The following GSR variants were observed in gnomAD, a reference collection of about 807,000 sequenced individuals.
GSR encodes glutathione reductase, mitochondrial.
Under a neutral mutation model 56.5 loss-of-function variants are expected in GSR, and 48 were observed. That is an observed-to-expected ratio of 0.85 (90% CI 0.67 to 1.08). The LOEUF is 1.08. Ranked by LOEUF, GSR falls within the 50% of genes least tolerant of loss-of-function variation. The probability of loss-of-function intolerance (pLI) is 0.00; values close to 1 mark genes in which losing one functional copy is unlikely to be tolerated. For missense variants in GSR, 694 were observed against 703.3 expected, an observed-to-expected ratio of 0.99 and a Z score of 0.15; for synonymous variants, 264 against 270.8, an observed-to-expected ratio of 0.97 and a Z score of 0.25.
chr8:30,708,679 G>A (rs571991403), intron 3 of GSR, among the ~76,000 whole-genome samples: 50 of 152,218 alleles, frequency 3.3e-4, no homozygotes, highest in Admixed American at 9.2e-4. Context: ...AAAACAGGCC[G>A]GGCGCGGTGG....
At chr8:30,695,777 C>G (rs1803524056) in intron 7 of GSR, among the ~76,000 whole-genome samples, 1 of 152,128 alleles carries the variant, frequency 6.6e-6, no homozygotes, top group African/African-American at 2.4e-5. Context: ...TGGTGGCTCA[C>G]ACCTGTAATC....
At chr8:30,692,674 G>A (rs1210212684) in intron 8 of GSR, among the ~76,000 whole-genome samples, 2 of 151,464 alleles carry the variant, frequency 1.3e-5, no homozygotes, top group Non-Finnish European at 1.5e-5. Context: ...GCTGATTTTT[G>A]TATTTTTAAT....
intron 1 of GSR, among the ~76,000 whole-genome samples, chr8:30,725,218 C>A (rs1190745521): frequency 1.3e-5 from 2 of 150,992 alleles, no homozygotes; most frequent in African/African-American, 2.4e-5. Context: ...CAAGGCAGGC[C>A]GACTGCTTAA....
intron 10 of GSR, among the ~76,000 whole-genome samples, chr8:30,683,226 T>C (rs1803016392): frequency 6.6e-6 from 1 of 152,012 alleles, no homozygotes; most frequent in South Asian, 2.1e-4. Context: ...CCTCTGAAAG[T>C]GATGGGAGCC....
chr8:30,714,925 C>T (rs956114149), intron 1 of GSR, among the ~76,000 whole-genome samples: 1 of 152,176 alleles, frequency 6.6e-6, no homozygotes, highest in Admixed American at 6.6e-5. Context: ...TCCACTATTC[C>T]TGCCAGCACT....
intron 3 of GSR, 84 bp from the exon 4 acceptor site, chr8:30,708,225 G>A (rs1563539496): frequency 7.3e-6 from 7 of 965,274 alleles, no homozygotes; most frequent in Admixed American, 1.7e-5. Context: ...TGAACACCCC[G>A]AGCAGAGAAT....
chr8:30,684,092 A>C lies in GSR; in HGVS notation c.1149T>G (p.Thr383=). 6.6e-7 allele frequency: 1 copy of C among 1,507,500 alleles called. No homozygotes were observed. Among genetic ancestry groups the C allele is most frequent in the Non-Finnish European group, 9.2e-7 (1 of 1,082,568 alleles). The allele number at this position is 1,507,500 out of a possible 1,614,324, so 93.4% of individuals were successfully genotyped here. Residue 383 remains threonine, a synonymous_variant, in exon 10 of 13, where the codon ACT becomes ACG. Transcript: ENST00000221130. ...CAAGAAGGGAAGAGACCTTACCTGG[A>C]GTAAGAAGAGCTTTTCCACATACAT... ...VGDVCGKALL[T]PVAIAAGRKL...
chr8:30,696,178 C>T (rs924622541), intron 7 of GSR, among the ~76,000 whole-genome samples: 1 of 152,102 alleles, frequency 6.6e-6, no homozygotes, highest in Non-Finnish European at 1.5e-5. Flanking sequence ...GCCAATTTGA[C>T]CAACTCAAAA....
At chr8:30,713,866 A>G (rs1804240658) in intron 1 of GSR, among the ~76,000 whole-genome samples, 1 of 152,178 alleles carries the variant, frequency 6.6e-6, no homozygotes, top group Non-Finnish European at 1.5e-5. Context: ...TTATGGGGCT[A>G]TTCCTTGAAG....
chr8:30,692,838 A>G, intron 8 of GSR, 131 bp downstream of exon 8: 2 of 717,488 alleles, frequency 2.8e-6, no homozygotes, highest in South Asian at 2.9e-5. Context: ...AATAATAGGG[A>G]GTACCCTAGA....
At chr8:30,721,505 T>C (rs1804533450) in intron 1 of GSR, among the ~76,000 whole-genome samples, 1 of 151,858 alleles carries the variant, frequency 6.6e-6, no homozygotes, top group Non-Finnish European at 1.5e-5. Flanking sequence ...ATAAAAAAAT[T>C]AGCCAGGTGT....
At position 30,695,988 on chromosome 8, in the gene GSR, C is replaced by T. The variant is rs184736553; in HGVS notation, c.795+392G>A. Among the ~76,000 whole-genome samples, 517 of 152,052 alleles carry T rather than the reference C, an allele frequency of 3.4e-3. 4 individuals are homozygous for T. Among genetic ancestry groups the T allele is most frequent in the Middle Eastern group, 0.01 (3 of 294 alleles). On this transcript the variant is annotated intron_variant, in intron 7 of 12. Coordinates refer to ENST00000221130, the MANE Select transcript of GSR (RefSeq NM_000637.5). ...CCAGGAGGCAGAGGTTGCAGTGAGC[C>T]GAGATGGTGCCACTGCACTCCAGCC...
At position 30,682,008 on chromosome 8, in the gene GSR, C is replaced by T; in HGVS notation, c.1207G>A (p.Asp403Asn). 2 of 1,613,084 alleles carry T rather than the reference C, an allele frequency of 1.2e-6. No homozygotes were observed. Among genetic ancestry groups the T allele is most frequent in the East Asian group, 2.2e-5 (1 of 44,878 alleles). The change falls in exon 11 of 13, where the codon GAT (aspartate) becomes AAT (asparagine). Residue 403 changes from aspartate to asparagine, a missense_variant. Asp to Asn is a conservative substitution (Grantham distance 23, BLOSUM62 1). Coordinates refer to ENST00000221130, the MANE Select transcript of GSR (RefSeq NM_000637.5). ...ATGTTGTTATAATCTAATTTGGAAT[C>T]TTCCTTATATTCAAAAAGTCGATGG... ...LAHRLFEYKE[D>N]SKLDYNNIPT... is the part of the protein sequence containing the mutation.
Position 30,703,153 on chromosome 8 carries a change from G to A in GSR, c.580C>T (p.Pro194Ser), listed in dbSNP as rs1011568754. 6.2e-7 allele frequency: 1 copy of A among 1,614,094 alleles called. No individual in the cohort carries two copies. The highest frequency in any genetic ancestry group is 1.7e-5 in the Admixed American group (1 of 60,004). ...CCACCTGTGGCGATCAGGATGTGTGGGGCGGTGTACTTTTTCCCACTGACC... is the reference window on the plus strand; with the variant it reads ...CCACCTGTGGCGATCAGGATGTGTGAGGCGGTGTACTTTTTCCCACTGACC... Reference protein sequence around the residue: ...IEVSGKKYTAPHILIATGGMP... With the variant: ...IEVSGKKYTASHILIATGGMP... Residue 194 changes from proline (P) to serine (S), a missense_variant, in exon 5 of 13, where the codon CCA (proline) becomes TCA (serine). By Grantham distance (74) the Pro-to-Ser change is moderately conservative (BLOSUM62 -1). Transcript: ENST00000221130.
At chr8:30,724,567 G>A (rs1163840404) in intron 1 of GSR, among the ~76,000 whole-genome samples, 1 of 8,538 alleles carries the variant, frequency 1.2e-4, no homozygotes, top group Non-Finnish European at 2.6e-4. Context: ...TTTTTTTTTT[G>A]AGACAGAGTC....
intron 4 of GSR, among the ~76,000 whole-genome samples, chr8:30,705,668 G>T (rs1029980037): frequency 6.6e-6 from 1 of 152,096 alleles, no homozygotes; most frequent in Non-Finnish European, 1.5e-5. Context: ...GGAGGTTAAG[G>T]CTGCAGTGAG....
At chr8:30,715,994 T>C (rs1487347163) in intron 1 of GSR, among the ~76,000 whole-genome samples, 1 of 152,232 alleles carries the variant, frequency 6.6e-6, no homozygotes, top group African/African-American at 2.4e-5. Flanking sequence ...CTGGTGTCTA[T>C]AACTCTGGTT....
chr8:30,692,353 C>G (rs1374326339), intron 8 of GSR, among the ~76,000 whole-genome samples: 1 of 151,328 alleles, frequency 6.6e-6, no homozygotes, highest in Admixed American at 6.6e-5. Context: ...TGCGCCACCA[C>G]GCCCAGCTAA....
rs397732260 is a variant in GSR, at chr8:30,705,269, ATT to A, written c.493-2031_493-2030del. 2.0e-3 allele frequency among the ~76,000 whole-genome samples: 290 copies of A among 147,294 alleles called. 1 individual carries two copies. The highest frequency in any genetic ancestry group is 0.011 in the South Asian group (50 of 4,614). The stretch of plus-strand genomic sequence containing the variant: ...AGCAAGACCTCATCTCTACAAAAAA[ATT>A]TTTTTTTTTGAGACAGAGTCTTGCA... On this transcript the variant is annotated intron_variant, in intron 4 of 12. Coordinates refer to ENST00000221130, the MANE Select transcript of GSR (RefSeq NM_000637.5).
Sources: allele counts gnomAD v4.1 joint callset (sites outside exome capture counted in the v4.1 genomes callset), GRCh38; gene constraint gnomAD v4.1.1; transcripts MANE v1.5; gene names NCBI Gene and HGNC (gene_info 2026-07-23, HGNC 2026-07-21).